NCOR1: variants seen among roughly 807,000 people sequenced by gnomAD.
NCOR1 encodes protein phosphatase 1, regulatory subunit 109.
In NCOR1, 63 loss-of-function variants were observed where a neutral mutation model predicts 288.1. The ratio of observed to expected loss-of-function variants is 0.22; its 90% CI spans 0.18 to 0.27. The LOEUF is 0.27. NCOR1 is among the 10% of genes least tolerant of loss of function. The pLI is 1.00. For missense variants in NCOR1, 2,397 were observed against 3,019.2 expected, an observed-to-expected ratio of 0.79 and a Z score of 4.83; for synonymous variants, 1,007 against 1,065.9, an observed-to-expected ratio of 0.94 and a Z score of 1.08.
intron 42 of NCOR1, chr17:16,044,818 TG>T: frequency 9.2e-7 from 1 of 1,088,808 alleles, no homozygotes; most frequent in Non-Finnish European, 1.4e-6. Context: ...TAGGGGCTGG[TG>T]GACCTGCTCC....
intron 26 of NCOR1, among the ~76,000 whole-genome samples, chr17:16,079,429 T>C (rs994806856): frequency 2.0e-5 from 3 of 152,224 alleles, no homozygotes; most frequent in African/African-American, 7.2e-5. Flanking sequence ...TTCTTAAGTA[T>C]CAAGTTAAAA....
intron 1 of NCOR1, among the ~76,000 whole-genome samples, chr17:16,206,677 T>C (rs1292696888): frequency 1.3e-5 from 2 of 152,120 alleles, no homozygotes; most frequent in African/African-American, 2.4e-5. Flanking sequence ...TGAGTCACCA[T>C]GCCTGGCAAA....
intron 15 of NCOR1, among the ~76,000 whole-genome samples, chr17:16,124,343 GT>G (rs1406104599): frequency 6.6e-6 from 1 of 152,204 alleles, no homozygotes; most frequent in East Asian, 1.9e-4. Flanking sequence ...CAATTTTTAT[GT>G]AATTCTAGAG....
chr17:16,188,310 A>G (rs1023335146), intron 2 of NCOR1, among the ~76,000 whole-genome samples: 1 of 152,178 alleles, frequency 6.6e-6, no homozygotes, highest in African/African-American at 2.4e-5. Context: ...ACATAAAAAA[A>G]CCATTTAAAA....
chr17:16,062,722 A>G lies in NCOR1; in HGVS notation c.5222-452T>C, dbSNP rs551901652. Among the ~76,000 whole-genome samples, 5 of 152,348 alleles carry G rather than the reference A, an allele frequency of 3.3e-5. 1 individual carries two copies. The highest frequency in any genetic ancestry group is 4.1e-4 in the South Asian group (2 of 4,832). ...CTACACTAGGGTTTGAGACTGTTTC[A>G]TTCAACCACAGTTTGCCCTGCTTCA... On this transcript the variant is annotated intron_variant, in intron 35 of 45. Coordinates refer to ENST00000268712, the MANE Select transcript of NCOR1 (RefSeq NM_006311.4).
chr17:16,157,180 T>A (rs2079953204), intron 6 of NCOR1, among the ~76,000 whole-genome samples: 1 of 152,132 alleles, frequency 6.6e-6, no homozygotes, highest in Admixed American at 6.5e-5. Flanking sequence ...TATTTTGGGC[T>A]TTTCTTAAAC....
rs1009993156 is a variant in NCOR1, at chr17:16,119,334, A to G, written c.1915+89T>C. On this transcript the variant is annotated intron_variant, in intron 17 of 45. Transcript: ENST00000268712. ...GCCTTTTTGAAAGAATTTTTTTTCC[A>G]ATTAAAACAATTAGTTCCATCTCAC... 8.2e-6 allele frequency: 8 copies of G among 970,788 alleles called. 1 individual carries two copies. The highest frequency in any genetic ancestry group is 2.2e-4 in the Middle Eastern group (1 of 4,446). 60.1% of individuals were successfully genotyped at this position (970,788 alleles called of 1,614,324 possible).
chr17:16,126,682 C>T (rs958378778), intron 14 of NCOR1, among the ~76,000 whole-genome samples: 1 of 152,104 alleles, frequency 6.6e-6, no homozygotes, highest in Non-Finnish European at 1.5e-5. Flanking sequence ...AATATGTAAA[C>T]AGCTATGGTC....
At chr17:16,146,709 T>C (rs2078044379) in intron 9 of NCOR1, among the ~76,000 whole-genome samples, 161 bp from the exon 10 acceptor site, 1 of 152,154 alleles carries the variant, frequency 6.6e-6, no homozygotes. Context: ...AGAGGAAAGG[T>C]AGCTCTGTTT....
At chr17:16,107,042 G>A (rs1044339350) in intron 19 of NCOR1, among the ~76,000 whole-genome samples, 3 of 150,980 alleles carry the variant, frequency 2.0e-5, no homozygotes, top group East Asian at 2.0e-4. Flanking sequence ...ACAGGCGCCC[G>A]CCACCATGCC....
rs2057234572 is a variant in NCOR1, at chr17:16,039,895, A to C, written c.6734-241T>G. 5 of 452,400 alleles carry C rather than the reference A, an allele frequency of 1.1e-5. No individual in the cohort carries two copies. In the Admixed American group the frequency reaches 1.7e-4, roughly 15 times the overall value. The allele number at this position is 452,400 out of a possible 1,614,324, so 28.0% of individuals were successfully genotyped here. ...AACCTCCGCCTCCCAGATTCAAGGGATTCTCCTACCTCAGTCTCCCAAGTA... is the reference window on the plus strand; with the variant it reads ...AACCTCCGCCTCCCAGATTCAAGGGCTTCTCCTACCTCAGTCTCCCAAGTA... On this transcript the variant is annotated intron_variant, in intron 43 of 45. Transcript: ENST00000268712.
intron 1 of NCOR1, among the ~76,000 whole-genome samples, chr17:16,203,579 T>C (rs2091132258): frequency 6.6e-6 from 1 of 152,234 alleles, no homozygotes; most frequent in Admixed American, 6.5e-5. Flanking sequence ...TTTTTGTTCC[T>C]TTATAGGTTT....
intron 26 of NCOR1, among the ~76,000 whole-genome samples, chr17:16,079,649 T>C (rs1249974085): frequency 6.6e-6 from 1 of 152,234 alleles, no homozygotes; most frequent in African/African-American, 2.4e-5. Context: ...TTCTTCTCAA[T>C]TTCTATTTAG....
Position 16,143,836 on chromosome 17 carries a change from T to C in NCOR1, c.1083-140A>G, listed in dbSNP as rs191653207. On this transcript the variant is annotated intron_variant, in intron 10 of 45. Coordinates refer to ENST00000268712, the MANE Select transcript of NCOR1 (RefSeq NM_006311.4). Reference sequence around the variant, plus strand: ...GAAACATAAAATACTATTGAGTATATACTTTTAAGTAATATGCTGTGTCAC... The same window carrying C: ...GAAACATAAAATACTATTGAGTATACACTTTTAAGTAATATGCTGTGTCAC... The C allele has an allele frequency of 4.1e-4, 240 of 578,624 alleles. No individual in the cohort carries two copies. The African/African-American group carries it at 4.3e-3, about 10-fold the overall frequency. 35.8% of individuals were successfully genotyped at this position (578,624 alleles called of 1,614,324 possible). A position where few individuals can be genotyped will look rare whatever the true frequency, so the allele number is the denominator to read the frequency against.
At chr17:16,108,077 G>A (rs978698987) in intron 19 of NCOR1, among the ~76,000 whole-genome samples, 1 of 150,422 alleles carries the variant, frequency 6.6e-6, no homozygotes, top group African/African-American at 2.4e-5. Context: ...AGAAAATGAT[G>A]GAAAAAATTA....
In NCOR1 at chr17:16,167,861, A is replaced by AT. The variant is rs1184401154; in HGVS notation, c.436-2701_436-2700insA. 1.8e-4 allele frequency among the ~76,000 whole-genome samples: 26 copies of AT among 147,434 alleles called. No homozygotes were observed. In the East Asian group the frequency reaches 3.5e-3, roughly 20 times the overall value. On this transcript the variant is annotated intron_variant, in intron 4 of 45. Transcript: ENST00000268712. ...GGTGATAGAAGAAGACTCCATCTCA[A>AT]AAAAAAAAAAAAAAAAAACCACACA... is the stretch of plus-strand genomic sequence containing the variant.
chr17:16,142,447 T>C (rs1319331372), intron 11 of NCOR1, among the ~76,000 whole-genome samples: 1 of 152,106 alleles, frequency 6.6e-6, no homozygotes, highest in Non-Finnish European at 1.5e-5. Context: ...AGAAAAGGCA[T>C]ATAATAAAAT....
intron 5 of NCOR1, among the ~76,000 whole-genome samples, chr17:16,159,954 T>C (rs992773432): frequency 6.6e-6 from 1 of 151,760 alleles, no homozygotes; most frequent in African/African-American, 2.4e-5. Flanking sequence ...CTCAGCCTCC[T>C]GAGTAGCTGG....
At position 16,138,215 on chromosome 17, in the gene NCOR1, G is replaced by A; in HGVS notation, c.1353-3C>T. ...AGTTTTTTGGATGCTGGATAAACCT[G>A]AGTGAAAACGAAAACAAAAACACAC... On this transcript the variant is annotated splice_polypyrimidine_tract_variant and splice_region_variant and intron_variant, in intron 12 of 45. Coordinates refer to ENST00000268712, the MANE Select transcript of NCOR1 (RefSeq NM_006311.4). 2 of 1,607,786 alleles carry A rather than the reference G, an allele frequency of 1.2e-6. No individual in the cohort carries two copies. Among genetic ancestry groups the A allele is most frequent in the Non-Finnish European group, 1.7e-6 (2 of 1,176,670 alleles).
Sources: gnomAD v4.1 joint callset for allele counts (sites outside exome capture counted in the v4.1 genomes callset) on GRCh38, gnomAD v4.1.1 for gene constraint, MANE v1.5 for transcripts, NCBI Gene and HGNC (gene_info 2026-07-23, HGNC 2026-07-21) for gene names.